Variants in CNPY1 observed in about 807,000 individuals in gnomAD.
CNPY1 encodes the protein protein canopy homolog 1.
CNPY1 carries 14 observed loss-of-function variants against 14.4 expected under a neutral mutation model. The ratio of observed to expected loss-of-function variants is 0.97; its 90% CI spans 0.64 to 1.52. The LOEUF (loss-of-function observed/expected upper bound fraction) is 1.52. CNPY1 is among the 40% of genes most tolerant of loss of function. The pLI is 0.00. For synonymous variants in CNPY1, 43 were observed against 46.5 expected (o/e 0.92, Z 0.31); for missense variants, 129 against 131.5 (o/e 0.98, Z 0.09).
intron 2 of CNPY1, among the ~76,000 whole-genome samples, chr7:155,521,938 G>A (rs1234096619): frequency 2.6e-5 from 4 of 152,202 alleles, no homozygotes; most frequent in South Asian, 2.1e-4. Flanking sequence ...TCCTATCTCC[G>A]GAAGGGCAGG....
chr7:155,509,020 A>G lies in CNPY1; in HGVS notation c.177T>C (p.Leu59=). ...KVCERMNDYK[L]EEDPVTKERT... ...TCTCCTTCGTCACAGGGTCTTCCTC[A>G]AGCTTGTAGTCGTTCATTCGCTCAC... is the stretch of plus-strand genomic sequence containing the variant. The change falls in exon 3 of 5, where the codon CTT becomes CTC. Residue 59 remains leucine, a synonymous_variant. Transcript: ENST00000636446. 2 of 1,613,564 alleles carry G rather than the reference A, an allele frequency of 1.2e-6. No homozygotes were observed. Among genetic ancestry groups the G allele is most frequent in the South Asian group, 1.1e-5 (1 of 90,950 alleles).
At chr7:155,519,561 A>G (rs1246467091) in intron 2 of CNPY1, among the ~76,000 whole-genome samples, 1 of 138,886 alleles carries the variant, frequency 7.2e-6, no homozygotes, top group Non-Finnish European at 1.5e-5. Context: ...AAATAAATAA[A>G]TAAGAAAGAA....
At chr7:155,538,758 T>C (rs1036379723) in intron 2 of CNPY1, among the ~76,000 whole-genome samples, 1 of 152,222 alleles carries the variant, frequency 6.6e-6, no homozygotes, top group Non-Finnish European at 1.5e-5. Context: ...TTTTCTGCTC[T>C]GAGCACCGCC....
At chr7:155,518,010 C>A (rs1796654180) in intron 2 of CNPY1, among the ~76,000 whole-genome samples, 1 of 152,194 alleles carries the variant, frequency 6.6e-6, no homozygotes, top group Non-Finnish European at 1.5e-5. Flanking sequence ...GGAGGAGGGA[C>A]ACCGTCCTGC....
intron 4 of CNPY1, among the ~76,000 whole-genome samples, chr7:155,504,285 G>A (rs78231638): frequency 0.049 from 7,466 of 151,966 alleles, 594 homozygotes; most frequent in African/African-American, 0.17. Flanking sequence ...GTTTATGAAA[G>A]TCTCAGTGAT....
intron 2 of CNPY1, among the ~76,000 whole-genome samples, chr7:155,527,265 G>A (rs573675369): frequency 1.2e-4 from 18 of 150,984 alleles, no homozygotes; most frequent in African/African-American, 1.9e-4. Flanking sequence ...ATTTTAAAAC[G>A]TCGAAGCCAA....
chr7:155,523,674 A>C (rs901428500), intron 2 of CNPY1, among the ~76,000 whole-genome samples: 7 of 152,214 alleles, frequency 4.6e-5, no homozygotes, highest in Non-Finnish European at 1.0e-4. Context: ...TGGATAGTGG[A>C]GAGTGCCCCA....
At chr7:155,542,471 CT>C (rs1685807894) in intron 2 of CNPY1, among the ~76,000 whole-genome samples, 1 of 152,222 alleles carries the variant, frequency 6.6e-6, no homozygotes, top group African/African-American at 2.4e-5. Flanking sequence ...CTCACCCAAG[CT>C]TCCTGACTGA....
intron 4 of CNPY1, among the ~76,000 whole-genome samples, chr7:155,504,715 C>T (rs1749085321): frequency 2.6e-5 from 4 of 151,952 alleles, no homozygotes; most frequent in African/African-American, 9.7e-5. Context: ...CACACACACA[C>T]ACACACACAC....
chr7:155,504,130 C>T (rs1465280055), intron 4 of CNPY1, among the ~76,000 whole-genome samples: 4 of 152,210 alleles, frequency 2.6e-5, no homozygotes, highest in Non-Finnish European at 5.9e-5. Flanking sequence ...CCCTGTTACT[C>T]TGTCTCACAC....
rs7799485 is a variant in CNPY1, at chr7:155,537,041, C to T, written c.99+8790G>A. 7.9e-3 allele frequency among the ~76,000 whole-genome samples: 1,210 copies of T among 152,336 alleles called. 21 individuals carry two copies. Among genetic ancestry groups the T allele is most frequent in the African/African-American group, 0.028 (1,145 of 41,568 alleles). ...CCAGAGCATCCATCTGTTGATGCTTCTTGCTCTTCTTTGAGAGGAAAGGAA... is the reference window on the plus strand; with the variant it reads ...CCAGAGCATCCATCTGTTGATGCTTTTTGCTCTTCTTTGAGAGGAAAGGAA... On this transcript the variant is annotated intron_variant, in intron 2 of 4. Coordinates refer to ENST00000636446, the MANE Select transcript of CNPY1 (RefSeq NM_001393663.1).
intron 2 of CNPY1, among the ~76,000 whole-genome samples, chr7:155,526,540 C>T (rs541220877): frequency 1.2e-3 from 184 of 152,214 alleles, no homozygotes; most frequent in African/African-American, 4.1e-3. Flanking sequence ...GCATAAAAGA[C>T]AAACCACCCA....
chr7:155,516,787 A>G (rs372252804), intron 2 of CNPY1, among the ~76,000 whole-genome samples: 4 of 152,248 alleles, frequency 2.6e-5, no homozygotes, highest in African/African-American at 9.6e-5. Context: ...CACTCGGGCC[A>G]TTCCCTTGGT....
chr7:155,507,206 A>G (rs922089689), intron 3 of CNPY1, 90 bp from the exon 4 acceptor site: 6 of 790,930 alleles, frequency 7.6e-6, no homozygotes, highest in South Asian at 2.8e-5. Flanking sequence ...TATTAGCTAA[A>G]CATAGGAAAT....
chr7:155,542,510 G>C (rs898833679), intron 2 of CNPY1, among the ~76,000 whole-genome samples: 2 of 152,184 alleles, frequency 1.3e-5, no homozygotes, highest in African/African-American at 2.4e-5. Flanking sequence ...TGGGCCTCAC[G>C]TGGAAAGAGC....
intron 2 of CNPY1, among the ~76,000 whole-genome samples, chr7:155,539,192 G>A (rs1414232688): frequency 6.6e-6 from 1 of 152,192 alleles, no homozygotes; most frequent in Non-Finnish European, 1.5e-5. Context: ...AATTGTTGTG[G>A]CATTGTTTGG....
At chr7:155,512,097 C>T (rs745621907) in intron 2 of CNPY1, among the ~76,000 whole-genome samples, 3 of 152,098 alleles carry the variant, frequency 2.0e-5, no homozygotes. Context: ...TTGAATAGTA[C>T]TTGTCAATAA....
chr7:155,503,070 A>G lies in CNPY1; in HGVS notation c.436T>C (p.Ter146GlnextTer11), dbSNP rs1240986309. 3.1e-6 allele frequency: 5 copies of G among 1,608,458 alleles called. No individual in the cohort carries two copies. Among genetic ancestry groups the G allele is most frequent in the African/African-American group, 2.7e-5 (2 of 74,682 alleles). Residue 146 changes from the stop codon to glutamine, a stop_lost, in exon 5 of 5, where the codon TAG becomes CAG. Transcript: ENST00000636446. Reference sequence around the variant, plus strand: ...CTACGACCAGCAGAACGGCACTCCTAGAGCTCAGTATGATTAGCAGAAGTT... The same window carrying G: ...CTACGACCAGCAGAACGGCACTCCTGGAGCTCAGTATGATTAGCAGAAGTT... The part of the protein sequence containing the change: ...CETSANHTEL[*>Q]
At chr7:155,520,114 G>A (rs1326952055) in intron 2 of CNPY1, among the ~76,000 whole-genome samples, 4 of 152,204 alleles carry the variant, frequency 2.6e-5, no homozygotes, top group African/African-American at 9.6e-5. Flanking sequence ...ATTTCTGGCC[G>A]AGGAATGGAA....
Sources: gnomAD v4.1 joint callset for allele counts (sites outside exome capture counted in the v4.1 genomes callset) on GRCh38, gnomAD v4.1.1 for gene constraint, MANE v1.5 for transcripts, NCBI Gene and HGNC (gene_info 2026-07-23, HGNC 2026-07-21) for gene names.